SKAP2: variants seen among roughly 807,000 people sequenced by gnomAD.
The protein encoded by SKAP2 is src kinase associated phosphoprotein 2.
In SKAP2, 28 loss-of-function variants were observed where a neutral mutation model predicts 54.9. The ratio of observed to expected loss-of-function variants is 0.51; its 90% CI spans 0.38 to 0.70. The LOEUF (loss-of-function observed/expected upper bound fraction) is 0.70. SKAP2 is among the 30% of genes least tolerant of loss of function. The probability of loss-of-function intolerance (pLI) is 0.00; values close to 1 mark genes in which losing one functional copy is unlikely to be tolerated. For missense variants in SKAP2, 356 were observed against 424.1 expected (o/e 0.84, Z 1.41); for synonymous variants, 137 against 134.3 (o/e 1.02, Z -0.14).
intron 4 of SKAP2, among the ~76,000 whole-genome samples, chr7:26,798,321 C>T (rs10276471): frequency 3.3e-5 from 5 of 151,236 alleles, no homozygotes; most frequent in Admixed American, 3.3e-4. Context: ...ACCTAGAATA[C>T]TAGATTTGGT....
chr7:26,817,788 C>A (rs1316356883), intron 4 of SKAP2, among the ~76,000 whole-genome samples: 1 of 152,028 alleles, frequency 6.6e-6, no homozygotes, highest in East Asian at 1.9e-4. Context: ...TCCTATACAC[C>A]AATAATAGAC....
intron 4 of SKAP2, among the ~76,000 whole-genome samples, chr7:26,814,639 T>C (rs1317483421): frequency 1.3e-5 from 2 of 149,940 alleles, no homozygotes; most frequent in African/African-American, 4.9e-5. Context: ...TAATGCAACA[T>C]AGATTAACAG....
rs2128083099 is a variant in SKAP2 at position 26,669,267 on chromosome 7, ACT to A, written c.*397_*398del. The A allele has an allele frequency of 6.6e-6, 1 of 152,304 alleles. No individual in the cohort carries two copies. The highest frequency in any genetic ancestry group is 2.1e-4 in the South Asian group (1 of 4,820). 9.4% of individuals were successfully genotyped at this position (152,304 alleles called of 1,614,324 possible). A position where few individuals can be genotyped will look rare whatever the true frequency, so the allele number is the denominator to read the frequency against. Reference sequence around the variant, plus strand: ...TTAAAATGCTATGAAATTATACATTACTCTCTAAAAATAATTGATGTCCAATG... The same window carrying A: ...TTAAAATGCTATGAAATTATACATTACTCTAAAAATAATTGATGTCCAATG... On this transcript the variant is annotated 3_prime_UTR_variant, in exon 13 of 13. Transcript: ENST00000345317.
At chr7:26,849,943 C>A (rs948683106) in intron 3 of SKAP2, among the ~76,000 whole-genome samples, 1 of 152,126 alleles carries the variant, frequency 6.6e-6, no homozygotes, top group African/African-American at 2.4e-5. Context: ...TTCAGTACAT[C>A]ATTCTATAAA....
intron 4 of SKAP2, among the ~76,000 whole-genome samples, chr7:26,743,951 G>C (rs973578818): frequency 6.6e-6 from 1 of 152,116 alleles, no homozygotes; most frequent in African/African-American, 2.4e-5. Flanking sequence ...GATAACTCAA[G>C]AATTCTAGAA....
At chr7:26,660,563 A>G in the SKAP2 span, among the ~76,000 whole-genome samples, 1 of 152,026 alleles carries the variant, frequency 6.6e-6, no homozygotes, top group Admixed American at 6.6e-5. Flanking sequence ...ATAGCTTGAA[A>G]TTCTCTACTA....
At position 26,811,605 on chromosome 7, in the gene SKAP2, G is replaced by T. The variant is rs75071541; in HGVS notation, c.307+32425C>A. 7.1e-3 allele frequency among the ~76,000 whole-genome samples: 1,074 copies of T among 152,278 alleles called. 5 individuals are homozygous for T. Among genetic ancestry groups the T allele is most frequent in the Non-Finnish European group, 9.6e-3 (656 of 68,018 alleles). ...TGTACTTTTTATATTTGCAATGGGA[G>T]ATGGAGGGAAGAAACTAGTCAGTAA... On this transcript the variant is annotated intron_variant, in intron 4 of 12. Transcript: ENST00000345317.
intron 9 of SKAP2, 56 bp downstream of exon 9, chr7:26,725,364 ACACACACT>A: frequency 4.8e-6 from 6 of 1,244,560 alleles, no homozygotes; most frequent in Non-Finnish European, 6.8e-6. Flanking sequence ...ACAAACACAC[ACACACACT>A]CACACACACA....
At chr7:26,697,436 T>C (rs763589427) in intron 9 of SKAP2, among the ~76,000 whole-genome samples, 5 of 152,190 alleles carry the variant, frequency 3.3e-5, no homozygotes, top group Non-Finnish European at 7.3e-5. Flanking sequence ...TATTAGGAAG[T>C]TATGAAATGG....
chr7:26,758,097 T>C (rs1040593542), intron 4 of SKAP2, among the ~76,000 whole-genome samples: 33 of 152,284 alleles, frequency 2.2e-4, no homozygotes, highest in Admixed American at 2.0e-4. Context: ...AAATATCTGG[T>C]TCCATGTTTT....
chr7:26,848,621 T>C lies in SKAP2; in HGVS notation c.200-4484A>G, dbSNP rs146834575. Among the ~76,000 whole-genome samples the C allele has an allele frequency of 9.6e-4, 146 of 152,304 alleles. 2 individuals are homozygous for C. The highest frequency in any genetic ancestry group is 8.5e-3 in the Admixed American group (130 of 15,302). On this transcript the variant is annotated intron_variant, in intron 3 of 12. Coordinates refer to ENST00000345317, the MANE Select transcript of SKAP2 (RefSeq NM_003930.5). ...GATACTACTAAACCTGTACCTAAAA[T>C]CTGAGTGATAACCATTCCTTCTTAC...
chr7:26,802,425 C>T (rs929251254), intron 4 of SKAP2, among the ~76,000 whole-genome samples: 15 of 152,042 alleles, frequency 9.9e-5, no homozygotes, highest in Non-Finnish European at 2.1e-4. Flanking sequence ...ACATGCACCA[C>T]CATGCCTGGC....
At chr7:26,788,428 G>GA (rs199576634) in intron 4 of SKAP2, among the ~76,000 whole-genome samples, 206 of 147,196 alleles carry the variant, frequency 1.4e-3, no homozygotes, top group Admixed American at 4.6e-3. Flanking sequence ...CATTCTGAAG[G>GA]AAAAAAAAAA....
chr7:26,748,145 T>C (rs992198388), intron 4 of SKAP2, among the ~76,000 whole-genome samples: 13 of 152,144 alleles, frequency 8.5e-5, no homozygotes, highest in African/African-American at 3.1e-4. Flanking sequence ...TTTAGATAAA[T>C]CTTTAATATA....
intron 6 of SKAP2, among the ~76,000 whole-genome samples, chr7:26,734,229 C>T (rs940169624): frequency 2.0e-5 from 3 of 152,170 alleles, no homozygotes; most frequent in African/African-American, 7.2e-5. Flanking sequence ...TTGACCCAGA[C>T]TCTATCCATC....
At chr7:26,689,436 TAAC>T (rs1292395030) in intron 10 of SKAP2, among the ~76,000 whole-genome samples, 13 of 152,272 alleles carry the variant, frequency 8.5e-5, no homozygotes. Flanking sequence ...TATTTGGAAA[TAAC>T]AACAAGCAAG....
chr7:26,714,925 G>A (rs559778400), intron 9 of SKAP2, among the ~76,000 whole-genome samples: 1 of 152,178 alleles, frequency 6.6e-6, no homozygotes, highest in East Asian at 1.9e-4. Flanking sequence ...GAAGAATGAA[G>A]ACTCCAGTTT....
intron 4 of SKAP2, among the ~76,000 whole-genome samples, chr7:26,740,822 C>A (rs201197954): frequency 6.6e-6 from 1 of 152,022 alleles, no homozygotes; most frequent in Non-Finnish European, 1.5e-5. Context: ...CTGGTCTCTA[C>A]TAAAACTACA....
chr7:26,768,281 CTTT>C (rs150416174), intron 4 of SKAP2, among the ~76,000 whole-genome samples: 15 of 140,110 alleles, frequency 1.1e-4, no homozygotes, highest in Non-Finnish European at 9.3e-5. Context: ...GCAACCCCTG[CTTT>C]TTTTTTTTTT....
Sources: allele counts gnomAD v4.1 joint callset (sites outside exome capture counted in the v4.1 genomes callset), GRCh38; gene constraint gnomAD v4.1.1; transcripts MANE v1.5; gene names NCBI Gene and HGNC (gene_info 2026-07-23, HGNC 2026-07-21).